Variants in PITPNC1 observed in about 807,000 individuals in gnomAD.
The protein encoded by PITPNC1 is phosphatidylinositol transfer protein cytoplasmic 1.
In PITPNC1, 18 loss-of-function variants were observed where a neutral mutation model predicts 44.7. That is an observed-to-expected ratio of 0.40 (90% CI 0.28 to 0.60). PITPNC1 has a LOEUF of 0.60. Ranked by LOEUF, PITPNC1 falls within the 20% of genes least tolerant of loss-of-function variation. The pLI, the probability that PITPNC1 is intolerant of heterozygous loss-of-function variation, is 0.39. For synonymous variants in PITPNC1, 141 were observed against 149.6 expected (o/e 0.94, Z 0.42); for missense variants, 290 against 418.4 (o/e 0.69, Z 2.68).
chr17:67,553,744 T>A (rs538411421), intron 4 of PITPNC1, 127 bp downstream of exon 4: 38 of 441,886 alleles, frequency 8.6e-5, no homozygotes, highest in African/African-American at 6.9e-4. Flanking sequence ...TCAGAAATAT[T>A]TAAATGTAGG....
At chr17:67,674,090 G>A (rs2042560906) in intron 7 of PITPNC1, among the ~76,000 whole-genome samples, 1 of 151,918 alleles carries the variant, frequency 6.6e-6, no homozygotes, top group Admixed American at 6.6e-5. Context: ...GTTTTCATAA[G>A]GCCTGCAATG....
intron 6 of PITPNC1, among the ~76,000 whole-genome samples, chr17:67,663,462 C>T (rs189106029): frequency 9.9e-5 from 15 of 151,848 alleles, no homozygotes; most frequent in Non-Finnish European, 1.5e-4. Flanking sequence ...CCCAGCTACT[C>T]GGAAGGCTAA....
At chr17:67,437,888 C>T (rs1209003888) in intron 1 of PITPNC1, among the ~76,000 whole-genome samples, 3 of 151,934 alleles carry the variant, frequency 2.0e-5, no homozygotes, top group Non-Finnish European at 4.4e-5. Flanking sequence ...GCTAGCATGG[C>T]GAAACCCCAT....
chr17:67,525,945 T>C (rs1005144776), intron 1 of PITPNC1, among the ~76,000 whole-genome samples: 1 of 152,198 alleles, frequency 6.6e-6, no homozygotes, highest in Non-Finnish European at 1.5e-5. Context: ...TCTGTGCTTG[T>C]TAGGTGATAT....
At chr17:67,505,263 T>C (rs1228000841) in intron 1 of PITPNC1, among the ~76,000 whole-genome samples, 3 of 152,234 alleles carry the variant, frequency 2.0e-5, no homozygotes, top group African/African-American at 7.2e-5. Context: ...TCTGTTTCCA[T>C]GTTGATCTTC....
chr17:67,636,623 A>C (rs182723975), intron 6 of PITPNC1, among the ~76,000 whole-genome samples: 12 of 152,298 alleles, frequency 7.9e-5, no homozygotes, highest in African/African-American at 2.9e-4. Context: ...ATAAAATCTT[A>C]GAAAAAGCAT....
chr17:67,501,240 C>G (rs1732128834), intron 1 of PITPNC1, among the ~76,000 whole-genome samples: 1 of 152,038 alleles, frequency 6.6e-6, no homozygotes, highest in Non-Finnish European at 1.5e-5. Flanking sequence ...TCTTATTTAC[C>G]ATCGACTATT....
intron 5 of PITPNC1, among the ~76,000 whole-genome samples, chr17:67,584,419 G>A (rs1405831274): frequency 6.6e-6 from 1 of 152,152 alleles, no homozygotes; most frequent in Non-Finnish European, 1.5e-5. Context: ...TGTCTGGAAT[G>A]TATTTCATTT....
At position 67,425,203 on chromosome 17, in the gene PITPNC1, G is replaced by GCACGCACACA. The variant is rs1555649746; in HGVS notation, c.48+47004_48+47005insGCACACACAC. 1.7e-3 allele frequency among the ~76,000 whole-genome samples: 166 copies of GCACGCACACA among 98,806 alleles called. 8 individuals are homozygous for GCACGCACACA. The highest frequency in any genetic ancestry group is 2.3e-3 in the Non-Finnish European group (118 of 50,354). The allele number at this position is 98,806 out of a possible 152,430, so 64.8% of individuals were successfully genotyped here. ...CCATGTTGTGCGCGCGCACGCACAC[G>GCACGCACACA]CACACACACACACACACACACACAC... is the stretch of plus-strand genomic sequence containing the variant. On this transcript the variant is annotated intron_variant, in intron 1 of 8. Coordinates refer to ENST00000581322, the MANE Select transcript of PITPNC1 (RefSeq NM_012417.4).
intron 1 of PITPNC1, among the ~76,000 whole-genome samples, chr17:67,460,692 G>C (rs965385755): frequency 1.5e-4 from 23 of 150,018 alleles, no homozygotes; most frequent in African/African-American, 5.2e-4. Context: ...TGGGATTACA[G>C]GCATGAGCCA....
intron 6 of PITPNC1, chr17:67,638,902 G>A (rs2042063022): frequency 6.6e-6 from 1 of 151,904 alleles, no homozygotes; most frequent in Admixed American, 6.6e-5. Flanking sequence ...CTTGAGGCCA[G>A]GATTTCAAGA....
At chr17:67,405,201 C>T (rs534594214) in intron 1 of PITPNC1, among the ~76,000 whole-genome samples, 13 of 151,618 alleles carry the variant, frequency 8.6e-5, no homozygotes, top group African/African-American at 2.9e-4. Context: ...GAGCCAAGAT[C>T]GTGCCACTGC....
intron 8 of PITPNC1, among the ~76,000 whole-genome samples, chr17:67,686,893 C>T (rs1255900574): frequency 2.0e-5 from 3 of 152,202 alleles, no homozygotes; most frequent in Non-Finnish European, 4.4e-5. Flanking sequence ...CTTGCCCTCA[C>T]TCCCCCTTTG....
intron 8 of PITPNC1, among the ~76,000 whole-genome samples, chr17:67,681,064 A>G (rs2042695028): frequency 6.6e-6 from 1 of 152,196 alleles, no homozygotes; most frequent in Non-Finnish European, 1.5e-5. Context: ...GTGTGGTACA[A>G]TGAAGGAAAA....
In PITPNC1 at chr17:67,669,597, C is replaced by T. The variant is rs1159380847; in HGVS notation, c.552C>T (p.Tyr184=). ...RDSHQPIMCS[Y]KLVTVKFEVW... ...GTCATCAGCCTATCATGTGCTCCTA[C>T]AAGCTGGTGACTGTGAAGTTTGAGG... Residue 184 remains tyrosine, a synonymous_variant, in exon 7 of 9, where the codon TAC becomes TAT. Coordinates refer to ENST00000581322, the MANE Select transcript of PITPNC1 (RefSeq NM_012417.4). The T allele has an allele frequency of 1.2e-6, 2 of 1,605,156 alleles. No homozygotes were observed. The highest frequency in any genetic ancestry group is 1.7e-5 in the Admixed American group (1 of 58,910).
At chr17:67,515,680 C>T (rs1217577626) in intron 1 of PITPNC1, among the ~76,000 whole-genome samples, 4 of 152,114 alleles carry the variant, frequency 2.6e-5, no homozygotes, top group African/African-American at 9.7e-5. Context: ...GTGGATATTC[C>T]GGCTCATTTT....
At chr17:67,619,886 C>T (rs2642035) in intron 5 of PITPNC1, among the ~76,000 whole-genome samples, 5,328 of 152,174 alleles carry the variant, frequency 0.035, 211 homozygotes, top group African/African-American at 0.09. Flanking sequence ...CAGCTCACAC[C>T]CCTGAGAGCT....
chr17:67,408,359 G>A (rs2038431599), intron 1 of PITPNC1, among the ~76,000 whole-genome samples: 1 of 151,146 alleles, frequency 6.6e-6, no homozygotes, highest in South Asian at 2.1e-4. Context: ...GTGAAACCCC[G>A]TCTCTACTAA....
intron 5 of PITPNC1, among the ~76,000 whole-genome samples, chr17:67,596,614 G>A (rs920278221): frequency 2.0e-5 from 3 of 152,004 alleles, no homozygotes; most frequent in African/African-American, 7.3e-5. Context: ...AGGTTCAATC[G>A]ATTCTCCTGC....
Sources: gnomAD v4.1 joint callset for allele counts (sites outside exome capture counted in the v4.1 genomes callset) on GRCh38, gnomAD v4.1.1 for gene constraint, MANE v1.5 for transcripts, NCBI Gene and HGNC (gene_info 2026-07-23, HGNC 2026-07-21) for gene names.